SLC25A13: variants seen among roughly 807,000 people sequenced by gnomAD.
SLC25A13 encodes the protein electrogenic aspartate/glutamate antiporter SLC25A13, mitochondrial.
Under a neutral mutation model 85.5 loss-of-function variants are expected in SLC25A13, and 70 were observed. The observed-to-expected ratio is 0.82, with a 90% confidence interval of 0.68 to 1.00. The LOEUF is 1.00. Ranked by LOEUF, SLC25A13 falls within the 50% of genes least tolerant of loss-of-function variation. SLC25A13 has a pLI of 0.00. For missense variants in SLC25A13, 765 were observed against 819.8 expected, an observed-to-expected ratio of 0.93 and a Z score of 0.82; for synonymous variants, 259 against 288.7, an observed-to-expected ratio of 0.90 and a Z score of 1.04.
At chr7:96,317,335 G>A (rs1800168584) in intron 1 of SLC25A13, among the ~76,000 whole-genome samples, 1 of 152,058 alleles carries the variant, frequency 6.6e-6, no homozygotes, top group Non-Finnish European at 1.5e-5. Flanking sequence ...ATAAAAAAAG[G>A]ATGATAGTAA....
chr7:96,270,596 G>A (rs1159326493), intron 3 of SLC25A13, among the ~76,000 whole-genome samples: 1 of 151,714 alleles, frequency 6.6e-6, no homozygotes, highest in African/African-American at 2.4e-5. Flanking sequence ...TGATTTCAGT[G>A]GCACATGCCT....
rs1337601446 is a variant in SLC25A13 at position 96,123,533 on chromosome 7, G to A, written c.1592-1536C>T. 2.0e-5 allele frequency among the ~76,000 whole-genome samples: 3 copies of A among 152,204 alleles called. No individual in the cohort carries two copies. The East Asian group carries it at 5.8e-4, about 29-fold the overall frequency. ...TGTTATGAAAATAGAGGTACTGGGG[G>A]TGAAGGAAGCAGGTATGAAAGACAC... On this transcript the variant is annotated intron_variant, in intron 15 of 17. Coordinates refer to ENST00000265631, the MANE Select transcript of SLC25A13 (RefSeq NM_014251.3).
chr7:96,204,027 T>TAG (rs1435798689), intron 5 of SLC25A13, among the ~76,000 whole-genome samples: 1 of 152,208 alleles, frequency 6.6e-6, no homozygotes, highest in Non-Finnish European at 1.5e-5. Context: ...AGCTAAGCTC[T>TAG]AGAACAGCTG....
intron 13 of SLC25A13, among the ~76,000 whole-genome samples, chr7:96,147,824 TA>T (rs1302394306): frequency 2.0e-5 from 3 of 152,176 alleles, no homozygotes; most frequent in Non-Finnish European, 2.9e-5. Flanking sequence ...CTCATATGTT[TA>T]AAATACTGGT....
chr7:96,136,812 C>A (rs1792307141), intron 14 of SLC25A13, among the ~76,000 whole-genome samples: 1 of 152,178 alleles, frequency 6.6e-6, no homozygotes, highest in Admixed American at 6.5e-5. Flanking sequence ...GGAGGCTTAA[C>A]AGAGACTCCA....
intron 3 of SLC25A13, among the ~76,000 whole-genome samples, chr7:96,244,417 A>C (rs1447583930): frequency 6.6e-6 from 1 of 152,238 alleles, no homozygotes; most frequent in Non-Finnish European, 1.5e-5. Context: ...TATTGTTTCT[A>C]ATCTGATCTG....
At chr7:96,136,935 C>G (rs191984409) in intron 14 of SLC25A13, among the ~76,000 whole-genome samples, 2 of 152,320 alleles carry the variant, frequency 1.3e-5, no homozygotes, top group Non-Finnish European at 2.9e-5. Context: ...CTTCTGGCAC[C>G]TGTCGTCAGA....
chr7:96,239,044 TA>T lies in SLC25A13; in HGVS notation c.213-4128del, dbSNP rs1428749326. Among the ~76,000 whole-genome samples, 7 of 13,570 alleles carry T rather than the reference TA, an allele frequency of 5.2e-4. No individual in the cohort carries two copies. The East Asian group carries it at 0.016, about 30-fold the overall frequency. The allele number at this position is 13,570 out of a possible 152,430, so 8.9% of individuals were successfully genotyped here. A position where few individuals can be genotyped will look rare whatever the true frequency, so the allele number is the denominator to read the frequency against. On this transcript the variant is annotated intron_variant, in intron 3 of 17. Transcript: ENST00000265631. Reference sequence around the variant, plus strand: ...TATATATGACTATATATTTTATATATATATATATATATATATATATATATGT... The same window carrying T: ...TATATATGACTATATATTTTATATATTATATATATATATATATATATATGT...
chr7:96,184,797 G>C lies in SLC25A13; in HGVS notation c.1018+130C>G, dbSNP rs1794561368. The C allele has an allele frequency of 1.7e-5, 14 of 825,492 alleles. No homozygotes were observed. In the South Asian group the frequency reaches 2.0e-4, roughly 12 times the overall value. 51.1% of individuals were successfully genotyped at this position (825,492 alleles called of 1,614,324 possible). A position where few individuals can be genotyped will look rare whatever the true frequency, so the allele number is the denominator to read the frequency against. On this transcript the variant is annotated intron_variant, in intron 10 of 17. Coordinates refer to ENST00000265631, the MANE Select transcript of SLC25A13 (RefSeq NM_014251.3). Reference sequence around the variant, plus strand: ...CCCTTTACTCTTGCCCTACCTCACAGGTAGAAACTGATAACTGGCATTGGG... The same window carrying C: ...CCCTTTACTCTTGCCCTACCTCACACGTAGAAACTGATAACTGGCATTGGG...
At chr7:96,228,494 T>G (rs1378179929) in intron 4 of SLC25A13, among the ~76,000 whole-genome samples, 2 of 152,306 alleles carry the variant, frequency 1.3e-5, no homozygotes, top group Admixed American at 6.5e-5. Context: ...AGATCTAAAA[T>G]AAAACCATCA....
Position 96,294,615 on chromosome 7 carries a change from AAAAAAAAAG to A in SLC25A13, c.69+2274_69+2282del, listed in dbSNP as rs1471107246. Among the ~76,000 whole-genome samples, 10 of 151,072 alleles carry A rather than the reference AAAAAAAAAG, an allele frequency of 6.6e-5. No homozygotes were observed. In the East Asian group the frequency reaches 2.0e-3, roughly 29 times the overall value. On this transcript the variant is annotated intron_variant, in intron 2 of 17. Transcript: ENST00000265631. ...CACAGTGAGACTCTGTCTCAGAAAA[AAAAAAAAAG>A]AAAAAAAAGAAACTCTACACTGTAT...
At chr7:96,306,832 G>C in intron 1 of SLC25A13, 1 of 1,399,386 alleles carries the variant, frequency 7.1e-7, no homozygotes, top group Non-Finnish European at 1.0e-6. Flanking sequence ...TCATGCAGCA[G>C]AAGCAGAAAA....
intron 13 of SLC25A13, among the ~76,000 whole-genome samples, chr7:96,154,295 T>A (rs1793166063): frequency 8.6e-6 from 1 of 115,788 alleles, no homozygotes; most frequent in African/African-American, 3.8e-5. Context: ...ACTGAGTGTC[T>A]TTTTTTTTTT....
intron 13 of SLC25A13, among the ~76,000 whole-genome samples, chr7:96,160,138 C>T (rs1261515226): frequency 6.6e-6 from 1 of 152,188 alleles, no homozygotes; most frequent in African/African-American, 2.4e-5. Flanking sequence ...AAAGCTATGG[C>T]CCAGTCTTTC....
chr7:96,289,460 G>A (rs1056208024), intron 2 of SLC25A13, among the ~76,000 whole-genome samples: 5 of 152,158 alleles, frequency 3.3e-5, no homozygotes, highest in Non-Finnish European at 2.9e-5. Flanking sequence ...AAACTTCTCC[G>A]AGCTAAAGGA....
chr7:96,260,458 C>T (rs1291351769), intron 3 of SLC25A13, among the ~76,000 whole-genome samples: 1 of 151,984 alleles, frequency 6.6e-6, no homozygotes, highest in Non-Finnish European at 1.5e-5. Context: ...ATTCCCCCAC[C>T]CTACAAAACA....
chr7:96,177,090 G>A (rs756934058), intron 11 of SLC25A13, among the ~76,000 whole-genome samples: 1 of 152,150 alleles, frequency 6.6e-6, no homozygotes, highest in East Asian at 1.9e-4. Flanking sequence ...AAGACATAAT[G>A]CTTCTTTCTA....
chr7:96,188,485 GA>G (rs1406697169), intron 9 of SLC25A13, among the ~76,000 whole-genome samples: 1 of 152,240 alleles, frequency 6.6e-6, no homozygotes, highest in Non-Finnish European at 1.5e-5. Flanking sequence ...CTCCATGCCA[GA>G]AACTGCGAAG....
chr7:96,238,235 C>T (rs999097330), intron 3 of SLC25A13, among the ~76,000 whole-genome samples: 9 of 152,114 alleles, frequency 5.9e-5, no homozygotes, highest in East Asian at 1.9e-4. Flanking sequence ...ATCAGGGTGA[C>T]GCTTCTTCAA....
Sources: gnomAD v4.1 joint callset for allele counts (sites outside exome capture counted in the v4.1 genomes callset) on GRCh38, gnomAD v4.1.1 for gene constraint, MANE v1.5 for transcripts, NCBI Gene and HGNC (gene_info 2026-07-23, HGNC 2026-07-21) for gene names.